Variants in MEGF11 observed in about 807,000 individuals in gnomAD.
MEGF11 encodes multiple epidermal growth factor-like domains protein 11.
MEGF11 carries 126 observed loss-of-function variants against 146.6 expected under a neutral mutation model. That is an observed-to-expected ratio of 0.86 (90% CI 0.74 to 1.00). The LOEUF (loss-of-function observed/expected upper bound fraction) is 1.00. Ranked by LOEUF, MEGF11 falls within the 50% of genes least tolerant of loss-of-function variation. The pLI is 0.00. For missense variants in MEGF11, 1,509 were observed against 1,521.2 expected (o/e 0.99, Z 0.13); for synonymous variants, 532 against 583.4 (o/e 0.91, Z 1.27).
chr15:65,983,995 G>A (rs1039885188), intron 5 of MEGF11, among the ~76,000 whole-genome samples: 9 of 152,260 alleles, frequency 5.9e-5, no homozygotes, highest in African/African-American at 2.2e-4. Flanking sequence ...AAGGTCAAGC[G>A]GTCAATGTCA....
intron 2 of MEGF11, 107 bp downstream of exon 2, chr15:66,128,199 G>T: frequency 1.6e-6 from 1 of 618,878 alleles, no homozygotes; most frequent in South Asian, 3.4e-5. Flanking sequence ...CCAGGCTGCA[G>T]ACCCTTAGAG....
At chr15:66,193,630 G>A (rs61658154) in intron 1 of MEGF11, among the ~76,000 whole-genome samples, 32,316 of 151,956 alleles carry the variant, frequency 0.21, 3,856 homozygotes, top group East Asian at 0.48. Flanking sequence ...AGGACATGGA[G>A]GGCTGACTTT....
chr15:65,952,653 C>T (rs531944047), intron 10 of MEGF11, among the ~76,000 whole-genome samples: 27 of 152,288 alleles, frequency 1.8e-4, no homozygotes, highest in African/African-American at 6.3e-4. Flanking sequence ...GGTGCTGAAA[C>T]GATGCCGTTT....
At chr15:66,216,046 CAG>C (rs1473369972) in intron 1 of MEGF11, among the ~76,000 whole-genome samples, 1 of 152,050 alleles carries the variant, frequency 6.6e-6, no homozygotes, top group Non-Finnish European at 1.5e-5. Context: ...GGTGATTAGA[CAG>C]AGTTCATAGC....
intron 10 of MEGF11, among the ~76,000 whole-genome samples, chr15:65,937,637 G>A (rs868148692): frequency 6.6e-6 from 1 of 152,146 alleles, no homozygotes; most frequent in Non-Finnish European, 1.5e-5. Flanking sequence ...GTCATATATT[G>A]GACAAATACA....
intron 5 of MEGF11, among the ~76,000 whole-genome samples, chr15:66,049,168 G>C (rs2084351291): frequency 6.6e-6 from 1 of 152,210 alleles, no homozygotes; most frequent in Admixed American, 6.5e-5. Flanking sequence ...CTCCCAGATG[G>C]GCTATTATTT....
At chr15:65,942,975 T>TG (rs2080058980) in intron 10 of MEGF11, among the ~76,000 whole-genome samples, 1 of 8,906 alleles carries the variant, frequency 1.1e-4, no homozygotes, top group East Asian at 9.6e-3. Flanking sequence ...ACAACTTGGC[T>TG]TTTTTTTTTT....
rs532009455 is a variant in MEGF11 at position 65,998,913 on chromosome 15, G to T, written c.395-16425C>A. On this transcript the variant is annotated intron_variant, in intron 5 of 25. Coordinates refer to ENST00000395614, the MANE Select transcript of MEGF11 (RefSeq NM_001385028.1). ...TGGAACATCCTGGGAGCTCTTAGGG[G>T]TTTGGGACTTTGGAGGGAATCTAAT... Among the ~76,000 whole-genome samples, 103 of 152,302 alleles carry T rather than the reference G, an allele frequency of 6.8e-4. 1 individual carries two copies. Among genetic ancestry groups the T allele is most frequent in the African/African-American group, 2.4e-3 (101 of 41,556 alleles).
At chr15:66,085,518 C>G (rs1030368668) in intron 5 of MEGF11, among the ~76,000 whole-genome samples, 19 of 152,194 alleles carry the variant, frequency 1.2e-4, no homozygotes, top group African/African-American at 4.1e-4. Flanking sequence ...CAGACAACCC[C>G]CAGTACCAAC....
chr15:65,916,298 T>A (rs902013389), intron 17 of MEGF11, 22 bp from the exon 18 acceptor site: 3 of 1,546,446 alleles, frequency 1.9e-6, no homozygotes, highest in Admixed American at 3.9e-5. Flanking sequence ...GGATTTCCAG[T>A]CACGAGAGTT....
At chr15:66,203,979 A>T (rs2091233700) in intron 1 of MEGF11, among the ~76,000 whole-genome samples, 1 of 152,132 alleles carries the variant, frequency 6.6e-6, no homozygotes, top group Non-Finnish European at 1.5e-5. Context: ...GTGGTGGTTC[A>T]CGCCTGTAAT....
intron 1 of MEGF11, among the ~76,000 whole-genome samples, chr15:66,214,030 C>CTTT (rs11303068): frequency 4.8e-4 from 44 of 92,328 alleles, no homozygotes; most frequent in East Asian, 1.7e-3. Flanking sequence ...GAGCCGGCCA[C>CTTT]TTTTTTTTTT....
rs77397664 is a variant in MEGF11, at chr15:66,048,965, C to A, written c.394+45437G>T. ...AACTGAGGTTAAATGACCTTCAGCC[C>A]AGCTCTCTCTCCTCTCAGAAGAGAC... On this transcript the variant is annotated intron_variant, in intron 5 of 25. Transcript: ENST00000395614. Among the ~76,000 whole-genome samples the A allele has an allele frequency of 2.0e-3, 299 of 152,272 alleles. 5 individuals are homozygous for A. In the East Asian group the frequency reaches 0.048, roughly 25 times the overall value.
chr15:66,051,966 GCGGC>G (rs1235110290), intron 5 of MEGF11, among the ~76,000 whole-genome samples: 1 of 152,180 alleles, frequency 6.6e-6, no homozygotes, highest in East Asian at 1.9e-4. Flanking sequence ...TGCCATTATG[GCGGC>G]CATAACTCTT....
chr15:66,221,383 T>C (rs1210561645), intron 1 of MEGF11, among the ~76,000 whole-genome samples: 11 of 152,074 alleles, frequency 7.2e-5, no homozygotes, highest in Admixed American at 7.2e-4. Flanking sequence ...CTTTCCAGAT[T>C]ATTCTAGCCT....
chr15:65,911,886 A>AT (rs528651001), intron 21 of MEGF11, among the ~76,000 whole-genome samples, 196 bp downstream of exon 21: 13 of 152,244 alleles, frequency 8.5e-5, no homozygotes, highest in Non-Finnish European at 1.9e-4. Context: ...GGCACTCCAC[A>AT]TAACATGCTG....
chr15:66,206,817 C>T (rs1210696798), intron 1 of MEGF11, among the ~76,000 whole-genome samples: 1 of 152,102 alleles, frequency 6.6e-6, no homozygotes, highest in African/African-American at 2.4e-5. Flanking sequence ...GCAGGAGAAT[C>T]GCTTGAATCC....
chr15:66,052,284 G>A (rs2084480604), intron 5 of MEGF11, among the ~76,000 whole-genome samples: 1 of 152,208 alleles, frequency 6.6e-6, no homozygotes, highest in Non-Finnish European at 1.5e-5. Flanking sequence ...AGAACAGCAG[G>A]ATGGATGGTA....
At chr15:66,184,817 C>G (rs1417116283) in intron 1 of MEGF11, among the ~76,000 whole-genome samples, 1 of 151,864 alleles carries the variant, frequency 6.6e-6, no homozygotes, top group African/African-American at 2.4e-5. Context: ...CTGGTGAACT[C>G]CTACACATCC....
Sources: allele counts gnomAD v4.1 joint callset (sites outside exome capture counted in the v4.1 genomes callset), GRCh38; gene constraint gnomAD v4.1.1; transcripts MANE v1.5; gene names NCBI Gene and HGNC (gene_info 2026-07-23, HGNC 2026-07-21).